The following PBRM1 variants were observed in gnomAD, a reference collection of about 807,000 sequenced individuals.
PBRM1 encodes the protein polybromo 1, also known as protein polybromo-1.
In PBRM1, 27 loss-of-function variants were observed where a neutral mutation model predicts 194.5. That is an observed-to-expected ratio of 0.14 (90% CI 0.10 to 0.19). The LOEUF (loss-of-function observed/expected upper bound fraction) is 0.19. Ranked by LOEUF, PBRM1 falls within the 10% of genes least tolerant of loss-of-function variation. The pLI is 1.00. For missense variants in PBRM1, 1,466 were observed against 2,077.2 expected (o/e 0.71, Z 5.72); for synonymous variants, 655 against 693.2 (o/e 0.94, Z 0.87).
chr3:52,554,223 T>C (rs1012733837), intron 27 of PBRM1, among the ~76,000 whole-genome samples: 5 of 152,244 alleles, frequency 3.3e-5, no homozygotes, highest in Non-Finnish European at 5.9e-5. Flanking sequence ...TTAGCAGCTC[T>C]GCAATCCCCT....
At chr3:52,650,384 C>CAAA (rs1483044017) in intron 6 of PBRM1, among the ~76,000 whole-genome samples, 1 of 115,722 alleles carries the variant, frequency 8.6e-6, no homozygotes, top group Non-Finnish European at 2.0e-5. Context: ...AAAAAAAACC[C>CAAA]TAAAAAAAAA....
At chr3:52,547,624 C>G (rs2079845185), downstream of PBRM1, 1 of 233,526 alleles carries the variant, frequency 4.3e-6, no homozygotes, top group Non-Finnish European at 8.5e-6. Context: ...ATTTCATTAT[C>G]AATTTAAACT....
chr3:52,684,677 T>C (rs1414817998), upstream of PBRM1, among the ~76,000 whole-genome samples: 1 of 152,222 alleles, frequency 6.6e-6, no homozygotes, highest in Non-Finnish European at 1.5e-5. Context: ...TTCTTCCTCA[T>C]GATGTTTGAT....
At chr3:52,578,955 A>AG (rs2090388569) in intron 21 of PBRM1, 99 bp downstream of exon 23, 4 of 1,110,022 alleles carry the variant, frequency 3.6e-6, no homozygotes, top group Non-Finnish European at 5.5e-6. Context: ...AGAAACTGCC[A>AG]GGGGAAGGAC....
chr3:52,557,826 G>T (rs1173877898), intron 26 of PBRM1, among the ~76,000 whole-genome samples: 2 of 152,202 alleles, frequency 1.3e-5, no homozygotes, highest in African/African-American at 4.8e-5. Flanking sequence ...TTTAAGGATG[G>T]CTGCAGCAGA....
chr3:52,579,105 C>T (rs2153685580), exon 21 of PBRM1: 1 of 1,614,166 alleles, frequency 6.2e-7, no homozygotes, highest in Non-Finnish European at 8.5e-7. Flanking sequence ...GACACAGTCG[C>T]CAACCTTCAG....
intron 13 of PBRM1, among the ~76,000 whole-genome samples, chr3:52,618,969 G>C (rs1462218534): frequency 6.6e-6 from 1 of 152,082 alleles, no homozygotes; most frequent in East Asian, 1.9e-4. Context: ...GGCTAGTCTC[G>C]AACTCCCGAC....
Position 52,603,386 on chromosome 3 carries a change from C to T in PBRM1, c.2779+135G>A, listed in dbSNP as rs1430174676. The T allele has an allele frequency of 3.5e-6, 3 of 846,834 alleles. No homozygotes were observed. The African/African-American group carries it at 5.2e-5, about 15-fold the overall frequency. The allele number at this position is 846,834 out of a possible 1,614,324, so 52.5% of individuals were successfully genotyped here. A position where few individuals can be genotyped will look rare whatever the true frequency, so the allele number is the denominator to read the frequency against. On this transcript the variant is annotated intron_variant, in intron 17 of 29. Transcript: ENST00000296302. ...GATAACTATAAAAATATTTCCATCT[C>T]ATTGCGTCTACTCTAATATAGTCAA... is the stretch of plus-strand genomic sequence containing the variant.
At chr3:52,685,450 G>A (rs2097296876) in intron 1 of PBRM1, 1 of 152,112 alleles carries the variant, frequency 6.6e-6, no homozygotes, top group Admixed American at 6.5e-5. Context: ...CACTGGTATT[G>A]GGGACTGAGG....
At chr3:52,668,215 TG>T (rs1345408470) in intron 3 of PBRM1, among the ~76,000 whole-genome samples, 1 of 152,166 alleles carries the variant, frequency 6.6e-6, no homozygotes, top group African/African-American at 2.4e-5. Context: ...GAGGATTGCT[TG>T]AACCTGGGAG....
chr3:52,584,112 T>C (rs1203487973), intron 20 of PBRM1, among the ~76,000 whole-genome samples: 2 of 152,182 alleles, frequency 1.3e-5, no homozygotes, highest in African/African-American at 4.8e-5. Flanking sequence ...TATTTATTCT[T>C]AATAAGAATG....
chr3:52,651,555 G>A (rs959922577), intron 6 of PBRM1, among the ~76,000 whole-genome samples, 187 bp downstream of exon 7: 7 of 152,304 alleles, frequency 4.6e-5, no homozygotes, highest in Non-Finnish European at 5.9e-5. Flanking sequence ...TAACCAATGT[G>A]TTTTAATTTT....
chr3:52,610,079 T>G, intron 15 of PBRM1, 124 bp from the exon 18 acceptor site: 2 of 567,960 alleles, frequency 3.5e-6, no homozygotes, highest in Non-Finnish European at 5.8e-6. Context: ...AGCATGTCTA[T>G]AGTGAAATAT....
intron 15 of PBRM1, among the ~76,000 whole-genome samples, chr3:52,614,693 C>T (rs963440080): frequency 1.3e-5 from 2 of 151,746 alleles, no homozygotes; most frequent in Admixed American, 6.6e-5. Context: ...GACTTAGTCT[C>T]CCAAGGAGCT....
chr3:52,549,023 G>GTTTT (rs530711822), intron 29 of PBRM1, among the ~76,000 whole-genome samples: 1 of 138,376 alleles, frequency 7.2e-6, no homozygotes, highest in Non-Finnish European at 1.6e-5. Context: ...AGGTAAAATA[G>GTTTT]TTTTTTTTTT....
intron 22 of PBRM1, among the ~76,000 whole-genome samples, chr3:52,565,102 G>T (rs1039512550): frequency 6.6e-5 from 10 of 152,132 alleles, no homozygotes; most frequent in African/African-American, 2.4e-4. Context: ...AGGAAGCTGA[G>T]GCAGGAAAAT....
chr3:52,589,243 C>T (rs763374308), exon 18 of PBRM1: 7 of 1,528,574 alleles, frequency 4.6e-6, no homozygotes, highest in Non-Finnish European at 6.1e-6. Context: ...GGAATCTTCA[C>T]TCTTTTCAGC....
At chr3:52,584,857 G>T (rs2092116694) in intron 20 of PBRM1, among the ~76,000 whole-genome samples, 1 of 151,998 alleles carries the variant, frequency 6.6e-6, no homozygotes, top group African/African-American at 2.4e-5. Context: ...AAGCCCCTTT[G>T]TCCAGTGTGT....
intron 3 of PBRM1, among the ~76,000 whole-genome samples, chr3:52,663,679 A>G (rs933500274): frequency 2.0e-5 from 3 of 152,220 alleles, no homozygotes; most frequent in Non-Finnish European, 2.9e-5. Flanking sequence ...CAACAAATAT[A>G]TGTATTAGAT....
Sources: gnomAD v4.1 joint callset for allele counts (sites outside exome capture counted in the v4.1 genomes callset) on GRCh38, gnomAD v4.1.1 for gene constraint, MANE v1.5 for transcripts, NCBI Gene and HGNC (gene_info 2026-07-23, HGNC 2026-07-21) for gene names.